Variants in PLIN3 observed in about 807,000 individuals in gnomAD.
PLIN3 encodes perilipin-3.
A neutral mutation model predicts 35.9 loss-of-function variants in PLIN3; 30 were observed. That is an observed-to-expected ratio of 0.84 (90% CI 0.62 to 1.13). The LOEUF (loss-of-function observed/expected upper bound fraction) is 1.13. Ranked by LOEUF, PLIN3 falls within the 50% of genes most tolerant of loss-of-function variation. PLIN3 has a pLI of 0.00. For missense variants in PLIN3, 603 were observed against 596.9 expected (o/e 1.01, Z -0.11); for synonymous variants, 261 against 262.5 (o/e 0.99, Z 0.06).
intron 7 of PLIN3, among the ~76,000 whole-genome samples, chr19:4,843,378 G>T (rs1349871544): frequency 6.6e-6 from 1 of 151,700 alleles, no homozygotes; most frequent in Non-Finnish European, 1.5e-5. Context: ...CCTGGTGGCG[G>T]GCGCCTGTAG....
chr19:4,856,473 G>A (rs1270146606), intron 4 of PLIN3, among the ~76,000 whole-genome samples: 4 of 151,844 alleles, frequency 2.6e-5, no homozygotes, highest in Non-Finnish European at 5.9e-5. Context: ...CAGGAGAATC[G>A]CTTGAGCCCG....
chr19:4,848,744 G>A (rs558744396), intron 5 of PLIN3, among the ~76,000 whole-genome samples: 129 of 152,266 alleles, frequency 8.5e-4, no homozygotes, highest in African/African-American at 3.0e-3. Context: ...GCACTAGCCT[G>A]TAATCTCAGC....
At chr19:4,844,890 A>C in intron 6 of PLIN3, 97 bp from the exon 7 acceptor site, 1 of 1,359,190 alleles carries the variant, frequency 7.4e-7, no homozygotes, top group Non-Finnish European at 9.9e-7. Context: ...TCTGACTTAC[A>C]TGACAGTCTA....
chr19:4,848,948 T>C (rs1201389972), intron 5 of PLIN3, among the ~76,000 whole-genome samples: 3 of 152,094 alleles, frequency 2.0e-5, no homozygotes, highest in Non-Finnish European at 4.4e-5. Flanking sequence ...ATACCATATA[T>C]ACCGTATTTT....
chr19:4,865,051 G>T (rs965361756), intron 1 of PLIN3, among the ~76,000 whole-genome samples: 3 of 152,068 alleles, frequency 2.0e-5, no homozygotes, highest in Non-Finnish European at 4.4e-5. Flanking sequence ...TTAGGTGCGG[G>T]TGTGGTGGCG....
At chr19:4,861,917 G>A (rs1432737436) in intron 1 of PLIN3, among the ~76,000 whole-genome samples, 1 of 150,950 alleles carries the variant, frequency 6.6e-6, no homozygotes. Context: ...ACAGGTGTGA[G>A]CCACCACACC....
At chr19:4,840,248 G>A (rs1448330991) in intron 7 of PLIN3, among the ~76,000 whole-genome samples, 1 of 151,972 alleles carries the variant, frequency 6.6e-6, no homozygotes, top group Non-Finnish European at 1.5e-5. Flanking sequence ...TTACAGGCAT[G>A]AACCACCGCG....
chr19:4,858,968 C>T (rs1201227562), intron 4 of PLIN3, among the ~76,000 whole-genome samples: 1 of 151,852 alleles, frequency 6.6e-6, no homozygotes, highest in African/African-American at 2.4e-5. Context: ...TCCCAAAGTG[C>T]TGGGATTACA....
Position 4,852,231 on chromosome 19 carries a change from T to C in PLIN3, c.419A>G (p.Lys140Arg). ...CGACAATTGGGTGGCCACCGTGTCC[T>C]TGGCGCTAGACACCATCTCTTGGGC... ...SGAQEMVSSA[K>R]DTVATQLSEA... The change falls in exon 5 of 8, where the codon AAG becomes AGG. Residue 140 changes from lysine to arginine, a missense_variant. Coordinates refer to ENST00000221957, the MANE Select transcript of PLIN3 (RefSeq NM_005817.5). The C allele has an allele frequency of 1.2e-6, 2 of 1,610,378 alleles. No homozygotes were observed. The highest frequency in any genetic ancestry group is 1.7e-6 in the Non-Finnish European group (2 of 1,180,002).
intron 6 of PLIN3, among the ~76,000 whole-genome samples, chr19:4,845,591 G>A (rs1035206370): frequency 6.6e-6 from 1 of 151,990 alleles, no homozygotes; most frequent in Non-Finnish European, 1.5e-5. Context: ...GCAACACAGT[G>A]ACATCTCATC....
chr19:4,842,923 T>TA (rs1283509455), intron 7 of PLIN3, among the ~76,000 whole-genome samples: 1 of 152,124 alleles, frequency 6.6e-6, no homozygotes, highest in African/African-American at 2.4e-5. Flanking sequence ...TTTCAGTTTT[T>TA]AAAAAATCGA....
intron 1 of PLIN3, among the ~76,000 whole-genome samples, chr19:4,864,157 GTTTT>G (rs534017690): frequency 8.3e-6 from 1 of 119,924 alleles, no homozygotes; most frequent in Non-Finnish European, 1.7e-5. Context: ...GTGTGGTTTT[GTTTT>G]TTTTTTTTGG....
At chr19:4,850,556 G>T (rs2030253677) in intron 5 of PLIN3, among the ~76,000 whole-genome samples, 1 of 150,546 alleles carries the variant, frequency 6.6e-6, no homozygotes, top group South Asian at 2.1e-4. Context: ...GAGTAGCTGG[G>T]ACTACAGGCA....
intron 1 of PLIN3, among the ~76,000 whole-genome samples, chr19:4,864,388 A>T (rs1165295843): frequency 6.6e-6 from 1 of 150,636 alleles, no homozygotes; most frequent in African/African-American, 2.4e-5. Context: ...TGACCTCGTG[A>T]TCCACCCGCC....
intron 5 of PLIN3, among the ~76,000 whole-genome samples, chr19:4,849,743 C>T (rs2030224720): frequency 6.6e-6 from 1 of 152,068 alleles, no homozygotes; most frequent in Non-Finnish European, 1.5e-5. Flanking sequence ...ACCTCCGCCT[C>T]CCGGGTTCAA....
chr19:4,854,824 C>T (rs1192850582), intron 4 of PLIN3, among the ~76,000 whole-genome samples: 3 of 152,068 alleles, frequency 2.0e-5, no homozygotes, highest in African/African-American at 7.2e-5. Flanking sequence ...AAGTCAAGAG[C>T]TCACAGCAGG....
chr19:4,860,175 A>G (rs2030627210), intron 2 of PLIN3, 151 bp from the exon 3 acceptor site: 1 of 664,652 alleles, frequency 1.5e-6, no homozygotes, highest in African/African-American at 1.8e-5. Context: ...TGCACAAGCC[A>G]GGAACCTTGG....
intron 7 of PLIN3, among the ~76,000 whole-genome samples, chr19:4,844,186 G>T (rs552957316): frequency 1.3e-5 from 2 of 152,020 alleles, no homozygotes; most frequent in Non-Finnish European, 2.9e-5. Flanking sequence ...GCTAGGGGCC[G>T]GGCTCAGTAG....
At chr19:4,849,845 G>A (rs1424407078) in intron 5 of PLIN3, among the ~76,000 whole-genome samples, 1 of 151,668 alleles carries the variant, frequency 6.6e-6, no homozygotes, top group Non-Finnish European at 1.5e-5. Context: ...TAGAGATGGG[G>A]TTTCACCATG....
Sources: gnomAD v4.1 joint callset for allele counts (sites outside exome capture counted in the v4.1 genomes callset) on GRCh38, gnomAD v4.1.1 for gene constraint, MANE v1.5 for transcripts, NCBI Gene and HGNC (gene_info 2026-07-23, HGNC 2026-07-21) for gene names.